The following CLCA1 variants were observed in gnomAD, a reference collection of about 807,000 sequenced individuals.
CLCA1 encodes chloride channel accessory 1.
A neutral mutation model predicts 85.6 loss-of-function variants in CLCA1; 59 were observed. The ratio of observed to expected loss-of-function variants is 0.69; its 90% CI spans 0.56 to 0.86. The LOEUF (loss-of-function observed/expected upper bound fraction) is 0.86. CLCA1 is among the 40% of genes least tolerant of loss of function. The pLI is 0.00. For missense variants in CLCA1, 1,022 were observed against 1,101.4 expected (o/e 0.93, Z 1.02); for synonymous variants, 396 against 398.3 (o/e 0.99, Z 0.07).
chr1:86,476,412 T>G lies in CLCA1; in HGVS notation c.452-36T>G, dbSNP rs199568332. 57 of 1,064,298 alleles carry G rather than the reference T, an allele frequency of 5.4e-5. 1 individual carries two copies. The East Asian group carries it at 1.3e-3, about 23-fold the overall frequency. The allele number at this position is 1,064,298 out of a possible 1,614,324, so 65.9% of individuals were successfully genotyped here. A position where few individuals can be genotyped will look rare whatever the true frequency, so the allele number is the denominator to read the frequency against. The stretch of plus-strand genomic sequence containing the variant: ...GTGTGAGAAGGTAATTTTGCCATTC[T>G]TATTGTAATCAGTTTTTTAAAATAC... On this transcript the variant is annotated intron_variant, in intron 3 of 13. Coordinates refer to ENST00000394711, the MANE Select transcript of CLCA1 (RefSeq NM_001285.4).
chr1:86,493,597 A>G lies in CLCA1; in HGVS notation c.1678A>G (p.Lys560Glu). 6.2e-7 allele frequency: 1 copy of G among 1,610,558 alleles called. No homozygotes were observed. Among genetic ancestry groups the G allele is most frequent in the South Asian group, 1.1e-5 (1 of 91,006 alleles). ...MAYLQIPGIA[K>E]VGTWKYSLQA... ...CTACCTCCAAATCCCAGGCATTGCT[A>G]AGGTATGGAGTCAGCTTTTTTTCTT... The change falls in exon 10 of 14, where the codon AAG becomes GAG. Residue 560 changes from lysine to glutamate, a missense_variant and splice_region_variant. Lys to Glu is a moderately conservative substitution (Grantham distance 56). Coordinates refer to ENST00000394711, the MANE Select transcript of CLCA1 (RefSeq NM_001285.4).
Position 86,488,957 on chromosome 1 carries a change from C to T in CLCA1, c.1183-39C>T. The T allele has an allele frequency of 2.5e-6, 4 of 1,578,146 alleles. No individual in the cohort carries two copies. The East Asian group carries it at 9.0e-5, about 35-fold the overall frequency. On this transcript the variant is annotated intron_variant, in intron 7 of 13. Coordinates refer to ENST00000394711, the MANE Select transcript of CLCA1 (RefSeq NM_001285.4). ...GAATTTTCATAAACACTTTGGCCAC[C>T]CTAAGTCTGATAACTCGTGCCCTAA...
chr1:86,480,777 G>A (rs1647797086), intron 4 of CLCA1, among the ~76,000 whole-genome samples: 1 of 152,200 alleles, frequency 6.6e-6, no homozygotes, highest in Non-Finnish European at 1.5e-5. Flanking sequence ...TCTCACAGAT[G>A]GTTGTTAGAG....
intron 6 of CLCA1, among the ~76,000 whole-genome samples, chr1:86,485,855 A>C (rs1269224559): frequency 6.6e-6 from 1 of 152,182 alleles, no homozygotes; most frequent in Non-Finnish European, 1.5e-5. Flanking sequence ...CCATAGTCTT[A>C]TATATTAGTC....
intron 1 of CLCA1, 27 bp downstream of exon 1, chr1:86,469,160 T>C: frequency 6.5e-7 from 1 of 1,531,956 alleles, no homozygotes; most frequent in Non-Finnish European, 8.9e-7. Context: ...TATCCATACT[T>C]TTTTAAAAAT....
At chr1:86,493,967 C>G (rs958464048) in intron 10 of CLCA1, among the ~76,000 whole-genome samples, 5 of 152,148 alleles carry the variant, frequency 3.3e-5, no homozygotes, top group Non-Finnish European at 7.3e-5. Context: ...TCACCATCCC[C>G]CTCCCACCCG....
At position 86,499,639 on chromosome 1, in the gene CLCA1, CT is replaced by C. The variant is rs760866893; in HGVS notation, c.2354-9del. ...ATTTCAGAATTAAAGTCACATTCTT[CT>C]TTTTTCTTTTTAGCTCACAAGTATA... On this transcript the variant is annotated splice_polypyrimidine_tract_variant and intron_variant, in intron 13 of 13. Transcript: ENST00000394711. 4 of 1,491,054 alleles carry C rather than the reference CT, an allele frequency of 2.7e-6. No individual in the cohort carries two copies. Among genetic ancestry groups the C allele is most frequent in the East Asian group, 4.5e-5 (2 of 43,980 alleles). The allele number at this position is 1,491,054 out of a possible 1,614,324, so 92.4% of individuals were successfully genotyped here.
In CLCA1 at chr1:86,468,928, A is replaced by G; in HGVS notation, c.-44A>G. 2 of 1,531,078 alleles carry G rather than the reference A, an allele frequency of 1.3e-6. No homozygotes were observed. Among genetic ancestry groups the G allele is most frequent in the Non-Finnish European group, 1.8e-6 (2 of 1,125,544 alleles). The allele number at this position is 1,531,078 out of a possible 1,614,324, so 94.8% of individuals were successfully genotyped here. A position where few individuals can be genotyped will look rare whatever the true frequency, so the allele number is the denominator to read the frequency against. ...AATGGTAAAGAAAGACACCTTCGTA[A>G]CCCGCATTTTCCAAAGAGAGAAATC... is the stretch of plus-strand genomic sequence containing the variant. On this transcript the variant is annotated 5_prime_UTR_variant, in exon 1 of 14. Transcript: ENST00000394711.
intron 9 of CLCA1, 92 bp downstream of exon 9, chr1:86,491,463 C>A: frequency 1.4e-6 from 1 of 738,182 alleles, no homozygotes; most frequent in Non-Finnish European, 2.2e-6. Flanking sequence ...GTTTTCCACT[C>A]TTCTGGTACT....
chr1:86,494,252 T>C lies in CLCA1; in HGVS notation c.1746T>C (p.Arg582=). 1.9e-6 allele frequency: 3 copies of C among 1,614,220 alleles called. No homozygotes were observed. Among genetic ancestry groups the C allele is most frequent in the South Asian group, 2.2e-5 (2 of 91,086 alleles). The change falls in exon 11 of 14, where the codon CGT becomes CGC. Residue 582 remains arginine, a synonymous_variant. Coordinates refer to ENST00000394711, the MANE Select transcript of CLCA1 (RefSeq NM_001285.4). ...SQTLTLTVTS[R]ASNATLPPIT... ...CCTTGACCCTGACTGTCACGTCCCG[T>C]GCGTCCAATGCTACCCTGCCTCCAA...
intron 5 of CLCA1, among the ~76,000 whole-genome samples, chr1:86,484,639 C>T (rs1333773149): frequency 6.6e-6 from 1 of 152,142 alleles, no homozygotes; most frequent in Non-Finnish European, 1.5e-5. Context: ...CTGCAATCGT[C>T]TGAGGGAGGG....
At chr1:86,489,944 A>C (rs1044983002) in intron 8 of CLCA1, among the ~76,000 whole-genome samples, 2 of 152,148 alleles carry the variant, frequency 1.3e-5, no homozygotes, top group Admixed American at 1.3e-4. Flanking sequence ...ATTTGGGTCC[A>C]TGCAATTTAT....
chr1:86,484,588 A>C (rs2734698), intron 5 of CLCA1, among the ~76,000 whole-genome samples: 87,060 of 151,954 alleles, frequency 0.57, 26,678 homozygotes, highest in East Asian at 0.79. Context: ...GTGAGGTGGA[A>C]CAAACAGAGA....
chr1:86,484,998 G>A, intron 5 of CLCA1, among the ~76,000 whole-genome samples: 1 of 152,176 alleles, frequency 6.6e-6, no homozygotes, highest in South Asian at 2.1e-4. Flanking sequence ...GTGGAGTTTG[G>A]TGGTATAAGG....
intron 3 of CLCA1, 45 bp from the exon 4 acceptor site, chr1:86,476,403 T>C (rs752370356): frequency 1.1e-6 from 1 of 931,260 alleles, no homozygotes; most frequent in South Asian, 1.4e-5. Context: ...GAAGGTAATT[T>C]TGCCATTCTT....
At chr1:86,492,023 GA>G (rs1648145765) in intron 9 of CLCA1, among the ~76,000 whole-genome samples, 1 of 123,520 alleles carries the variant, frequency 8.1e-6, no homozygotes, top group East Asian at 2.0e-4. Flanking sequence ...AAACTATTAA[GA>G]AAAAAGAAAA....
At position 86,489,117 on chromosome 1, in the gene CLCA1, T is replaced by C. The variant is rs750331421; in HGVS notation, c.1304T>C (p.Val435Ala). The change falls in exon 8 of 14, where the codon GTC (valine) becomes GCC (alanine). Residue 435 changes from valine (V) to alanine (A), a missense_variant. By Grantham distance (64) the Val-to-Ala change is moderately conservative (BLOSUM62 0). Transcript: ENST00000394711. ...VKQSGAIIHTVALGPSAAQEL... is the reference protein window; with the variant it reads ...VKQSGAIIHTAALGPSAAQEL... ...CAAAGTGGTGCCATCATCCACACAG[T>C]CGCTTTGGGGCCCTCTGCAGCTCAA... The C allele has an allele frequency of 2.5e-6, 4 of 1,614,018 alleles. No homozygotes were observed. Among genetic ancestry groups the C allele is most frequent in the Non-Finnish European group, 2.5e-6 (3 of 1,179,994 alleles).
intron 4 of CLCA1, among the ~76,000 whole-genome samples, chr1:86,479,798 T>A (rs1170151681): frequency 6.6e-6 from 1 of 152,052 alleles, no homozygotes. Context: ...GGCAGGAGAA[T>A]GGCATGAACC....
At position 86,473,967 on chromosome 1, in the gene CLCA1, G is replaced by C. The variant is rs371395834; in HGVS notation, c.451+91G>C. 5.6e-5 allele frequency: 49 copies of C among 877,786 alleles called. 1 individual carries two copies. In the South Asian group the frequency reaches 5.6e-4, roughly 10 times the overall value. 54.4% of individuals were successfully genotyped at this position (877,786 alleles called of 1,614,324 possible). On this transcript the variant is annotated intron_variant, in intron 3 of 13. Transcript: ENST00000394711. ...TAGCATTATCTTTGTGAGTAAGCATGTATAAGCCAAACAATTAGAGATAAA... is the reference window on the plus strand; with the variant it reads ...TAGCATTATCTTTGTGAGTAAGCATCTATAAGCCAAACAATTAGAGATAAA...
Sources: allele counts gnomAD v4.1 joint callset (sites outside exome capture counted in the v4.1 genomes callset), GRCh38; gene constraint gnomAD v4.1.1; transcripts MANE v1.5; gene names NCBI Gene and HGNC (gene_info 2026-07-23, HGNC 2026-07-21).